VPS13D: variants seen among roughly 807,000 people sequenced by gnomAD.
VPS13D encodes intermembrane lipid transfer protein VPS13D.
Under a neutral mutation model 461.9 loss-of-function variants are expected in VPS13D, and 187 were observed. The observed-to-expected ratio is 0.40, with a 90% confidence interval of 0.36 to 0.46. VPS13D has a LOEUF of 0.46. Among genes scored for constraint, VPS13D ranks in the 20% least tolerant of loss-of-function variants. VPS13D has a pLI of 0.60. For synonymous variants in VPS13D, 1,951 were observed against 1,986.3 expected, an observed-to-expected ratio of 0.98 and a Z score of 0.47; for missense variants, 4,711 against 5,364.9, an observed-to-expected ratio of 0.88 and a Z score of 3.81.
At position 12,386,084 on chromosome 1, in the gene VPS13D, G is replaced by A. The variant is rs886708562; in HGVS notation, c.11485-101G>A. On this transcript the variant is annotated intron_variant, in intron 59 of 69. Transcript: ENST00000620676. ...AGTGGTTTTCATCTGCTGAGAGATC[G>A]GGAGTAGAGGAATGTAAAATGCTTT... The A allele has an allele frequency of 4.4e-6, 6 of 1,351,280 alleles. No homozygotes were observed. In the African/African-American group the frequency reaches 4.5e-5, roughly 10 times the overall value. 83.7% of individuals were successfully genotyped at this position (1,351,280 alleles called of 1,614,324 possible). A position where few individuals can be genotyped will look rare whatever the true frequency, so the allele number is the denominator to read the frequency against.
chr1:12,479,117 T>C (rs1160986124), intron 67 of VPS13D, among the ~76,000 whole-genome samples: 1 of 152,216 alleles, frequency 6.6e-6, no homozygotes. Context: ...CATGTAGAAA[T>C]AGGCACATTG....
At chr1:12,348,690 T>C (rs559723689) in intron 44 of VPS13D, 133 bp from the exon 45 acceptor site, 2 of 1,161,380 alleles carry the variant, frequency 1.7e-6, no homozygotes, top group East Asian at 5.3e-5. Context: ...GGCTTTAGGG[T>C]TTTATGACTG....
chr1:12,379,584 G>T lies in VPS13D; in HGVS notation c.11178G>T (p.Gly3726=), dbSNP rs1250626819. 6.2e-7 allele frequency: 1 copy of T among 1,613,144 alleles called. No individual in the cohort carries two copies. Among genetic ancestry groups the T allele is most frequent in the Admixed American group, 1.7e-5 (1 of 59,902 alleles). ...REGKLTCGLH[G]LVVQAKGGLS... is the part of the protein sequence containing the mutation. ...GAAAACTGACCTGTGGGTTACATGGGTTGGTCGTCCAGGTCAGTCGTTTTT... is the reference window on the plus strand; with the variant it reads ...GAAAACTGACCTGTGGGTTACATGGTTTGGTCGTCCAGGTCAGTCGTTTTT... Residue 3726 remains glycine, a synonymous_variant, in exon 57 of 70, where the codon GGG becomes GGT. Transcript: ENST00000620676.
At chr1:12,381,534 T>C (rs566396287) in intron 57 of VPS13D, among the ~76,000 whole-genome samples, 2 of 152,362 alleles carry the variant, frequency 1.3e-5, no homozygotes, top group South Asian at 2.1e-4. Context: ...ATTGAATCCC[T>C]GTGGACCAAC....
chr1:12,354,037 C>T lies in VPS13D; in HGVS notation c.9495C>T (p.Asp3165=). The T allele has an allele frequency of 6.2e-7, 1 of 1,614,124 alleles. No individual in the cohort carries two copies. Among genetic ancestry groups the T allele is most frequent in the Non-Finnish European group, 8.5e-7 (1 of 1,179,996 alleles). The part of the protein sequence containing the change: ...PDYMPSNIFS[D]SAKQIFRQPG... ...ATATGCCCTCAAACATATTTTCTGA[C>T]AGTGCAAAACAGATTTTCAGACAGC... is the stretch of plus-strand genomic sequence containing the variant. Residue 3165 remains aspartate, a synonymous_variant, in exon 47 of 70, where the codon GAC becomes GAT. Coordinates refer to ENST00000620676, the MANE Select transcript of VPS13D (RefSeq NM_015378.4).
At chr1:12,475,037 G>C (rs1645612491) in intron 67 of VPS13D, among the ~76,000 whole-genome samples, 1 of 152,080 alleles carries the variant, frequency 6.6e-6, no homozygotes, top group Admixed American at 6.5e-5. Context: ...GTAGCATGGA[G>C]CCTCGTCCTG....
At chr1:12,471,441 A>G (rs958272297) in intron 67 of VPS13D, among the ~76,000 whole-genome samples, 1 of 152,242 alleles carries the variant, frequency 6.6e-6, no homozygotes, top group Non-Finnish European at 1.5e-5. Flanking sequence ...CTAAATGTCT[A>G]AAACCAAAAC....
Position 12,440,999 on chromosome 1 carries a change from C to T in VPS13D, c.12334-14999C>T, listed in dbSNP as rs149311212. ...GGAGTGCAATGGTGCAATCTCAGCT[C>T]GCTGCAACCTCCGCCTCCTGGGTTC... is the stretch of plus-strand genomic sequence containing the variant. On this transcript the variant is annotated intron_variant, in intron 65 of 69. Coordinates refer to ENST00000620676, the MANE Select transcript of VPS13D (RefSeq NM_015378.4). Among the ~76,000 whole-genome samples the T allele has an allele frequency of 6.3e-3, 963 of 151,810 alleles. 3 individuals are homozygous for T. Among genetic ancestry groups the T allele is most frequent in the Non-Finnish European group, 9.9e-3 (673 of 67,942 alleles).
intron 22 of VPS13D, among the ~76,000 whole-genome samples, chr1:12,289,057 T>G (rs11121900): frequency 0.21 from 32,395 of 151,882 alleles, 6,279 homozygotes; most frequent in African/African-American, 0.51. Context: ...GGCCAGGCTA[T>G]TCTCGAACTC....
chr1:12,336,039 C>CG (rs1041978066), intron 39 of VPS13D: 9 of 566,962 alleles, frequency 1.6e-5, no homozygotes, highest in African/African-American at 1.3e-4. Context: ...TCCACCTTTG[C>CG]GGGGGAGAAA....
Position 12,256,497 on chromosome 1 carries a change from C to G in VPS13D, c.834C>G (p.Leu278=). The stretch of plus-strand genomic sequence containing the variant: ...AGCTGGAGACCATTCCCTTGAAACT[C>G]TCTCAGGTATGCCCTTTCTTCTCAG... ...DIQLETIPLK[L]SQLQYRQIME... The change falls in exon 8 of 70, where the codon CTC becomes CTG. Residue 278 remains leucine, a synonymous_variant. Transcript: ENST00000620676. The G allele has an allele frequency of 1.2e-6, 2 of 1,614,038 alleles. No homozygotes were observed. Among genetic ancestry groups the G allele is most frequent in the Non-Finnish European group, 1.7e-6 (2 of 1,179,966 alleles).
At chr1:12,239,045 G>A (rs1197612472) in intron 2 of VPS13D, among the ~76,000 whole-genome samples, 1 of 152,206 alleles carries the variant, frequency 6.6e-6, no homozygotes, top group Non-Finnish European at 1.5e-5. Flanking sequence ...GGAAATACAG[G>A]CATCATGCGA....
At chr1:12,290,209 G>C (rs1164630050) in intron 22 of VPS13D, among the ~76,000 whole-genome samples, 2 of 152,012 alleles carry the variant, frequency 1.3e-5, no homozygotes, top group Non-Finnish European at 2.9e-5. Context: ...TCAAATCTGT[G>C]TCTCCAGTGC....
rs113316791 is a variant in VPS13D, at chr1:12,288,245, T to A, written c.5657T>A (p.Leu1886Gln). 6.2e-7 allele frequency: 1 copy of A among 1,614,010 alleles called. No individual in the cohort carries two copies. The highest frequency in any genetic ancestry group is 2.2e-5 in the East Asian group (1 of 44,894). Residue 1886 changes from leucine (L) to glutamine (Q), a missense_variant, in exon 22 of 70, where the codon CTG becomes CAG. By Grantham distance (113) the Leu-to-Gln change is moderately radical (BLOSUM62 -2). Transcript: ENST00000620676. Reference sequence around the variant, plus strand: ...TAGGTTCATTCACTTTCTCTAGTGCTGAATAAGACCACCAGTGAGCTTGCC... The same window carrying A: ...TAGGTTCATTCACTTTCTCTAGTGCAGAATAAGACCACCAGTGAGCTTGCC... Reference protein sequence around the residue: ...DLKVHSLSLVLNKTTSELAKA... With the variant: ...DLKVHSLSLVQNKTTSELAKA...
intron 12 of VPS13D, among the ~76,000 whole-genome samples, chr1:12,261,426 C>G (rs1294299528): frequency 6.6e-6 from 1 of 152,192 alleles, no homozygotes; most frequent in Non-Finnish European, 1.5e-5. Flanking sequence ...GTTTGAATAC[C>G]AGTCTAGAGC....
chr1:12,391,850 T>G (rs547932127), intron 60 of VPS13D, among the ~76,000 whole-genome samples: 94 of 152,110 alleles, frequency 6.2e-4, no homozygotes, highest in African/African-American at 2.3e-3. Flanking sequence ...CCAAAAGATG[T>G]TTTGTGTTTT....
At position 12,369,551 on chromosome 1, in the gene VPS13D, T is replaced by C; in HGVS notation, c.10657T>C (p.Trp3553Arg). 6.2e-7 allele frequency: 1 copy of C among 1,614,182 alleles called. No individual in the cohort carries two copies. Among genetic ancestry groups the C allele is most frequent in the South Asian group, 1.1e-5 (1 of 91,082 alleles). ...GCCCATGACTTCATTGGATTATGCC[T>C]GGGACGAACCCACCTTGCCACCTTT... ...VKPMTSLDYA[W>R]DEPTLPPFIT... The change falls in exon 54 of 70, where the codon TGG becomes CGG. Residue 3553 changes from tryptophan to arginine, a missense_variant. Physicochemically the swap from Trp to Arg is moderately radical, Grantham distance 101. Transcript: ENST00000620676.
At position 12,249,295 on chromosome 1, in the gene VPS13D, A is replaced by T. The variant is rs189066033; in HGVS notation, c.520A>T (p.Ile174Phe). ...TCCCTCCCATCCTTTTGCTTTTGGC[A>T]TCTGCATTAAGAATGTGTCCATGCA... is the stretch of plus-strand genomic sequence containing the variant. The part of the protein sequence containing the change: ...TNPSHPFAFG[I>F]CIKNVSMQNA... The change falls in exon 6 of 70, where the codon ATC (isoleucine) becomes TTC (phenylalanine). Residue 174 changes from isoleucine (I) to phenylalanine (F), a missense_variant. Ile to Phe is a conservative substitution (Grantham distance 21). Transcript: ENST00000620676. The T allele has an allele frequency of 6.2e-7, 1 of 1,613,892 alleles. No homozygotes were observed. Among genetic ancestry groups the T allele is most frequent in the Non-Finnish European group, 8.5e-7 (1 of 1,180,014 alleles).
intron 2 of VPS13D, among the ~76,000 whole-genome samples, chr1:12,240,522 G>C (rs1395663540): frequency 6.7e-6 from 1 of 148,960 alleles, no homozygotes; most frequent in Non-Finnish European, 1.5e-5. Context: ...TTGAACCCAG[G>C]AGGCGGAGTT....
Sources: gnomAD v4.1 joint callset for allele counts (sites outside exome capture counted in the v4.1 genomes callset) on GRCh38, gnomAD v4.1.1 for gene constraint, MANE v1.5 for transcripts, NCBI Gene and HGNC (gene_info 2026-07-23, HGNC 2026-07-21) for gene names.